The following GALNT1 variants were observed in gnomAD, a reference collection of about 807,000 sequenced individuals.
GALNT1 encodes polypeptide N-acetylgalactosaminyltransferase 1.
Under a neutral mutation model 65.7 loss-of-function variants are expected in GALNT1, and 17 were observed. The ratio of observed to expected loss-of-function variants is 0.26; its 90% confidence interval spans 0.18 to 0.39. The LOEUF is 0.39. Ranked by LOEUF, GALNT1 falls within the 10% of genes least tolerant of loss-of-function variation. GALNT1 has a pLI of 1.00. For synonymous variants in GALNT1, 210 were observed against 219.7 expected (o/e 0.96, Z 0.39); for missense variants, 460 against 672.8 (o/e 0.68, Z 3.50).
chr18:35,664,493 T>C (rs1264156761), intron 3 of GALNT1: 2 of 152,260 alleles, frequency 1.3e-5, no homozygotes, highest in Non-Finnish European at 2.9e-5. Context: ...TTGACCCCTA[T>C]AAATAAAGCT....
chr18:35,692,070 C>A lies in GALNT1; in HGVS notation c.1160-111C>A. 10 of 873,852 alleles carry A rather than the reference C, an allele frequency of 1.1e-5. No individual in the cohort carries two copies. In the South Asian group the frequency reaches 1.5e-4, roughly 13 times the overall value. The allele number at this position is 873,852 out of a possible 1,614,324, so 54.1% of individuals were successfully genotyped here. On this transcript the variant is annotated intron_variant, in intron 8 of 11. Coordinates refer to ENST00000269195, the MANE Select transcript of GALNT1 (RefSeq NM_020474.4). The stretch of plus-strand genomic sequence containing the variant: ...TGTCTCCACTTGTATAGTCACATAT[C>A]ACCCAGCTGATACCACTGTTCTGAT...
intron 1 of GALNT1, among the ~76,000 whole-genome samples, chr18:35,653,781 C>T (rs570438698): frequency 6.6e-6 from 1 of 152,196 alleles, no homozygotes; most frequent in Non-Finnish European, 1.5e-5. Flanking sequence ...CATGGTATAA[C>T]ATAATAAAGG....
intron 3 of GALNT1, among the ~76,000 whole-genome samples, chr18:35,672,274 C>G (rs955782032): frequency 4.6e-5 from 7 of 152,360 alleles, no homozygotes; most frequent in Admixed American, 4.6e-4. Flanking sequence ...GAAGCTGACT[C>G]CAAAGGGACT....
chr18:35,656,513 G>A (rs918826995), intron 2 of GALNT1, among the ~76,000 whole-genome samples: 2 of 152,246 alleles, frequency 1.3e-5, no homozygotes, highest in Non-Finnish European at 2.9e-5. Context: ...CTTAGTATCA[G>A]CTTGAGCAGG....
At chr18:35,657,294 C>G (rs1056848785) in intron 2 of GALNT1, among the ~76,000 whole-genome samples, 1 of 152,096 alleles carries the variant, frequency 6.6e-6, no homozygotes, top group Non-Finnish European at 1.5e-5. Context: ...GGGGTTTCAC[C>G]ATGTTGCCAG....
chr18:35,706,594 G>A (rs2048265536), intron 11 of GALNT1, among the ~76,000 whole-genome samples: 1 of 152,184 alleles, frequency 6.6e-6, no homozygotes, highest in South Asian at 2.1e-4. Flanking sequence ...TTCCTGCTGA[G>A]ATAAAACATT....
rs377522973 is a variant in GALNT1, at chr18:35,691,090, A to T, written c.1057A>T (p.Thr353Ser). 3.1e-6 allele frequency: 5 copies of T among 1,613,512 alleles called. No individual in the cohort carries two copies. The South Asian group carries it at 5.5e-5, about 18-fold the overall frequency. The change falls in exon 8 of 12, where the codon ACG becomes TCG. Residue 353 changes from threonine to serine, a missense_variant. Transcript: ENST00000269195. Reference sequence around the variant, plus strand: ...TGTGTTTCGGAAAGCTACACCTTACACGTTTCCAGGAGGCACAGGGCAGAT... The same window carrying T: ...TGTGTTTCGGAAAGCTACACCTTACTCGTTTCCAGGAGGCACAGGGCAGAT... Reference protein sequence around the residue: ...GHVFRKATPYTFPGGTGQIIN... With the variant: ...GHVFRKATPYSFPGGTGQIIN...
At chr18:35,603,867 C>T (rs1329946311) in intron 1 of GALNT1, among the ~76,000 whole-genome samples, 3 of 152,144 alleles carry the variant, frequency 2.0e-5, no homozygotes, top group African/African-American at 7.2e-5. Flanking sequence ...AAAGGTATCC[C>T]AACTGATGTA....
chr18:35,599,366 C>CCTTTTTT (rs61028491), intron 1 of GALNT1, among the ~76,000 whole-genome samples: 1,407 of 122,612 alleles, frequency 0.011, 46 homozygotes, highest in African/African-American at 0.04. Context: ...GAGATTTACA[C>CCTTTTTT]TTTTTTTTTT....
chr18:35,612,789 C>T (rs1380602582), intron 1 of GALNT1, among the ~76,000 whole-genome samples: 1 of 151,906 alleles, frequency 6.6e-6, no homozygotes, highest in Non-Finnish European at 1.5e-5. Flanking sequence ...TGCTTGAACC[C>T]AGGAGGTGGA....
At chr18:35,593,182 A>G (rs915190769) in intron 1 of GALNT1, among the ~76,000 whole-genome samples, 2 of 152,158 alleles carry the variant, frequency 1.3e-5, no homozygotes, top group African/African-American at 4.8e-5. Context: ...AGGGAGGTCT[A>G]CGTGATTTCC....
At chr18:35,676,829 A>G (rs1011351743) in intron 3 of GALNT1, among the ~76,000 whole-genome samples, 50 of 152,218 alleles carry the variant, frequency 3.3e-4, no homozygotes, top group Non-Finnish European at 6.3e-4. Context: ...TCTAGCTAAC[A>G]AGGTTGAAAG....
At chr18:35,694,004 A>G (rs967238776) in intron 9 of GALNT1, among the ~76,000 whole-genome samples, 2 of 152,168 alleles carry the variant, frequency 1.3e-5, no homozygotes, top group African/African-American at 4.8e-5. Flanking sequence ...GCCAAGACTA[A>G]GGGAAAGACG....
intron 1 of GALNT1, among the ~76,000 whole-genome samples, chr18:35,591,043 C>A (rs1293334025): frequency 6.6e-6 from 1 of 152,096 alleles, no homozygotes; most frequent in Non-Finnish European, 1.5e-5. Flanking sequence ...ATAAGGGTAA[C>A]ATGGTCTCTG....
chr18:35,653,226 G>A (rs778064688), intron 1 of GALNT1, among the ~76,000 whole-genome samples: 2 of 152,138 alleles, frequency 1.3e-5, no homozygotes, highest in Non-Finnish European at 2.9e-5. Context: ...ATGAAAGGAG[G>A]AATATAGGCA....
intron 3 of GALNT1, chr18:35,664,227 G>A (rs1480342901): frequency 1.3e-5 from 2 of 159,588 alleles, no homozygotes; most frequent in Non-Finnish European, 2.7e-5. Context: ...CATCACCCCT[G>A]AAAGTCTCCT....
intron 1 of GALNT1, chr18:35,596,571 A>T (rs1258379308): frequency 6.6e-6 from 1 of 152,192 alleles, no homozygotes; most frequent in African/African-American, 2.4e-5. Flanking sequence ...GATACCTGAG[A>T]GTGAGTGTTT....
intron 9 of GALNT1, 118 bp downstream of exon 9, chr18:35,692,438 C>A: frequency 1.8e-6 from 1 of 563,220 alleles, no homozygotes; most frequent in Non-Finnish European, 2.8e-6. Flanking sequence ...TAACATTTAA[C>A]TTCTCTTGCT....
At chr18:35,621,383 C>T (rs1475287202) in intron 1 of GALNT1, among the ~76,000 whole-genome samples, 2 of 146,566 alleles carry the variant, frequency 1.4e-5, no homozygotes, top group African/African-American at 2.6e-5. Flanking sequence ...TGTAGAGATG[C>T]GGTCTTCCTA....
Sources: allele counts gnomAD v4.1 joint callset (sites outside exome capture counted in the v4.1 genomes callset), GRCh38; gene constraint gnomAD v4.1.1; transcripts MANE v1.5; gene names NCBI Gene and HGNC (gene_info 2026-07-23, HGNC 2026-07-21).